Variants in MUC7 observed in about 807,000 individuals in gnomAD.
MUC7 encodes mucin 7, secreted, also known as mucin-7.
MUC7 carries 2 observed loss-of-function variants against 2.5 expected under a neutral mutation model. The observed-to-expected ratio is 0.81, with a 90% CI of 0.33 to 2.55. MUC7 has a LOEUF of 2.55. MUC7 is among the 30% of genes most tolerant of loss of function. MUC7 has a pLI of 0.11. For synonymous variants in MUC7, 133 were observed against 173.4 expected, an observed-to-expected ratio of 0.77 and a Z score of 1.83; for missense variants, 408 against 455.6, an observed-to-expected ratio of 0.90 and a Z score of 0.95.
chr4:70,469,905 C>T (rs1036990728), upstream of MUC7, among the ~76,000 whole-genome samples: 9 of 152,094 alleles, frequency 5.9e-5, no homozygotes, highest in Non-Finnish European at 8.8e-5. Context: ...ATGCCATTAC[C>T]GGGTATATAC....
In MUC7 at chr4:70,482,033, C is replaced by A; in HGVS notation, c.*155C>A. On this transcript the variant is annotated 3_prime_UTR_variant, in exon 3 of 3. Transcript: ENST00000304887. ...CTTTCAATCTAATTATTCACCACCACAAGACCTATTAACAAGACAAAATGC... is the reference window on the plus strand; with the variant it reads ...CTTTCAATCTAATTATTCACCACCAAAAGACCTATTAACAAGACAAAATGC... The A allele has an allele frequency of 1.0e-6, 1 of 964,708 alleles. No individual in the cohort carries two copies. Among genetic ancestry groups the A allele is most frequent in the Non-Finnish European group, 1.5e-6 (1 of 670,144 alleles). The allele number at this position is 964,708 out of a possible 1,614,324, so 59.8% of individuals were successfully genotyped here.
At chr4:70,436,264 G>A (rs1239661998) in intron 1 of MUC7, among the ~76,000 whole-genome samples, 9 of 152,290 alleles carry the variant, frequency 5.9e-5, no homozygotes, top group Admixed American at 4.6e-4. Context: ...CTAGGTTGGG[G>A]AAGTTCTCCT....
At chr4:70,434,049 C>G (rs1733754043) in intron 1 of MUC7, among the ~76,000 whole-genome samples, 1 of 151,888 alleles carries the variant, frequency 6.6e-6, no homozygotes. Flanking sequence ...GTTGAACCAG[C>G]CTTGCATCAC....
At chr4:70,474,231 G>A (rs925116536) in intron 2 of MUC7, among the ~76,000 whole-genome samples, 156 bp downstream of exon 2, 13 of 152,116 alleles carry the variant, frequency 8.5e-5, no homozygotes, top group African/African-American at 2.4e-4. Context: ...ACAATTGGCC[G>A]GTGCACTGGC....
In MUC7 at chr4:70,482,167, G is replaced by A. The variant is rs1735219785; in HGVS notation, c.*289G>A. 1 of 355,378 alleles carries A rather than the reference G, an allele frequency of 2.8e-6. No homozygotes were observed. The highest frequency in any genetic ancestry group is 5.1e-6 in the Non-Finnish European group (1 of 196,554). 22.0% of individuals were successfully genotyped at this position (355,378 alleles called of 1,614,324 possible). On this transcript the variant is annotated 3_prime_UTR_variant, in exon 3 of 3. Transcript: ENST00000304887. The stretch of plus-strand genomic sequence containing the variant: ...AGTCCTTAGATAAAGAGAGAATATT[G>A]TATGGGCCATCAACCATTTACTTTT...
intron 1 of MUC7, among the ~76,000 whole-genome samples, chr4:70,465,138 G>T (rs1034228523): frequency 6.6e-6 from 1 of 152,200 alleles, no homozygotes; most frequent in Non-Finnish European, 1.5e-5. Flanking sequence ...GCAAACTCCA[G>T]CAGACCTAGG....
intron 2 of MUC7, among the ~76,000 whole-genome samples, chr4:70,475,259 A>G (rs1483132468): frequency 1.3e-5 from 2 of 152,306 alleles, no homozygotes; most frequent in East Asian, 3.9e-4. Context: ...AGCCTGGGTG[A>G]CAGAGCAAGA....
At chr4:70,441,308 C>T (rs1046317713) in intron 1 of MUC7, among the ~76,000 whole-genome samples, 4 of 151,962 alleles carry the variant, frequency 2.6e-5, no homozygotes, top group African/African-American at 7.3e-5. Context: ...TGAAAGAAGG[C>T]CTATAATATG....
intron 1 of MUC7, among the ~76,000 whole-genome samples, chr4:70,466,560 G>A (rs1452298174): frequency 7.2e-5 from 11 of 151,874 alleles, no homozygotes; most frequent in Admixed American, 7.2e-4. Context: ...AAGACATGGA[G>A]GAATGTTTAC....
At chr4:70,443,301 C>A (rs542686501) in intron 1 of MUC7, among the ~76,000 whole-genome samples, 1 of 143,670 alleles carries the variant, frequency 7.0e-6, no homozygotes, top group African/African-American at 2.6e-5. Flanking sequence ...AAAGAACAAC[C>A]TAACACAAAA....
chr4:70,469,070 T>C (rs1472363377), upstream of MUC7, among the ~76,000 whole-genome samples: 1 of 151,954 alleles, frequency 6.6e-6, no homozygotes, highest in Non-Finnish European at 1.5e-5. Flanking sequence ...TATAGACCAA[T>C]AGAACAAAAC....
At chr4:70,470,511 T>C (rs2109736587), upstream of MUC7, among the ~76,000 whole-genome samples, 1 of 152,334 alleles carries the variant, frequency 6.6e-6, no homozygotes, top group East Asian at 1.9e-4. Flanking sequence ...CTTATATTTT[T>C]CCAATATTTA....
rs749230356 is a variant in MUC7 at position 70,474,096 on chromosome 4, GT to G, written c.54+27del. 12 of 1,607,088 alleles carry G rather than the reference GT, an allele frequency of 7.5e-6. No individual in the cohort carries two copies. In the African/African-American group the frequency reaches 1.2e-4, roughly 16 times the overall value. ...TCTCGGTAAGTATTCACCCAAATAA[GT>G]TTTTTCCTTAACTATCAATAACAAA... On this transcript the variant is annotated intron_variant, in intron 2 of 2. Coordinates refer to ENST00000304887, the MANE Select transcript of MUC7 (RefSeq NM_152291.3).
At chr4:70,443,547 G>A (rs1363823267) in intron 1 of MUC7, among the ~76,000 whole-genome samples, 1 of 152,072 alleles carries the variant, frequency 6.6e-6, no homozygotes, top group Non-Finnish European at 1.5e-5. Flanking sequence ...TTTTCGACTG[G>A]CAAACAAAAT....
intron 1 of MUC7, among the ~76,000 whole-genome samples, chr4:70,460,133 C>T (rs1734518795): frequency 6.6e-6 from 1 of 151,856 alleles, no homozygotes; most frequent in Admixed American, 6.6e-5. Flanking sequence ...TCCTTCGCTG[C>T]TTTAGAAGAC....
At chr4:70,473,962 C>T (rs1011876278) in intron 1 of MUC7, 45 bp from the exon 2 acceptor site, 1 of 1,372,178 alleles carries the variant, frequency 7.3e-7, no homozygotes, top group Non-Finnish European at 1.0e-6. Context: ...ATTCCTCTCC[C>T]ATAATATCAT....
At chr4:70,455,140 A>G (rs1346512954) in intron 1 of MUC7, among the ~76,000 whole-genome samples, 1 of 151,546 alleles carries the variant, frequency 6.6e-6, no homozygotes, top group Non-Finnish European at 1.5e-5. Flanking sequence ...TAAATTATTT[A>G]TTCTATGAAA....
At position 70,480,812 on chromosome 4, in the gene MUC7, G is replaced by A. The variant is rs752494860; in HGVS notation, c.68G>A (p.Arg23Gln). 57 of 1,612,936 alleles carry A rather than the reference G, an allele frequency of 3.5e-5. No homozygotes were observed. Among genetic ancestry groups the A allele is most frequent in the Admixed American group, 5.0e-5 (3 of 59,950 alleles). The change falls in exon 3 of 3, where the codon CGA becomes CAA. Residue 23 changes from arginine to glutamine, a missense_variant. Transcript: ENST00000304887. ...TCTTTTCTGCAGTTCAGTGAAGGTC[G>A]AGAAAGGGATCATGAACTACGTCAC... is the stretch of plus-strand genomic sequence containing the variant. The part of the protein sequence containing the change: ...LSACFSFSEG[R>Q]ERDHELRHRR...
At chr4:70,460,386 A>G (rs1734525544) in intron 1 of MUC7, among the ~76,000 whole-genome samples, 1 of 152,168 alleles carries the variant, frequency 6.6e-6, no homozygotes, top group African/African-American at 2.4e-5. Context: ...GTAGCCAAAT[A>G]TTAAGTGAGA....
Sources: gnomAD v4.1 joint callset for allele counts (sites outside exome capture counted in the v4.1 genomes callset) on GRCh38, gnomAD v4.1.1 for gene constraint, MANE v1.5 for transcripts, NCBI Gene and HGNC (gene_info 2026-07-23, HGNC 2026-07-21) for gene names.